CASZ1: variants seen among roughly 807,000 people sequenced by gnomAD.
The protein encoded by CASZ1 is castor zinc finger 1, also known as zinc finger protein castor homolog 1.
Under a neutral mutation model 135.2 loss-of-function variants are expected in CASZ1, and 28 were observed. The observed-to-expected ratio is 0.21, with a 90% CI of 0.15 to 0.28. The LOEUF is 0.28. CASZ1 is among the 10% of genes least tolerant of loss of function. CASZ1 has a pLI of 1.00. For synonymous variants in CASZ1, 1,068 were observed against 1,073.4 expected, an observed-to-expected ratio of 0.99 and a Z score of 0.10; for missense variants, 2,161 against 2,453.3, an observed-to-expected ratio of 0.88 and a Z score of 2.52.
At position 10,672,215 on chromosome 1, in the gene CASZ1, CCG is replaced by C. The variant is rs201429108; in HGVS notation, c.17-6646_17-6645del. ...CTGTTTAACCTTCTCCCCCCTCCCCCCGCCACCCCCTCCCCTCCGCACTATAA... is the reference window on the plus strand; with the variant it reads ...CTGTTTAACCTTCTCCCCCCTCCCCCCCACCCCCTCCCCTCCGCACTATAA... On this transcript the variant is annotated intron_variant, in intron 4 of 20. Transcript: ENST00000377022. 9.6e-4 allele frequency among the ~76,000 whole-genome samples: 135 copies of C among 140,326 alleles called. 6 individuals are homozygous for C. The South Asian group carries it at 0.029, about 30-fold the overall frequency. 92.1% of individuals were successfully genotyped at this position (140,326 alleles called of 152,430 possible).
intron 1 of CASZ1, among the ~76,000 whole-genome samples, chr1:10,772,072 G>T (rs1640586939): frequency 1.3e-5 from 2 of 150,118 alleles, no homozygotes; most frequent in African/African-American, 2.5e-5. Context: ...CGTGACACCT[G>T]GGGGGAGCCT....
At chr1:10,779,172 C>T (rs1162970599) in intron 1 of CASZ1, among the ~76,000 whole-genome samples, 1 of 151,904 alleles carries the variant, frequency 6.6e-6, no homozygotes, top group African/African-American at 2.4e-5. Context: ...TTTCTGTCTC[C>T]CCCCCAGCCC....
intron 4 of CASZ1, among the ~76,000 whole-genome samples, chr1:10,673,284 A>G (rs776197485): frequency 5.3e-5 from 8 of 152,102 alleles, no homozygotes; most frequent in Non-Finnish European, 7.4e-5. Flanking sequence ...CTTCTGTCCA[A>G]TGGGCTGGCG....
In CASZ1 at chr1:10,784,714, C is replaced by A. The variant is rs573282463; in HGVS notation, c.-234+11850G>T. ...GAGTAGCTGGGACTACAGGCTTCCA[C>A]CACCATACCCGGCTAATTTTTTTGT... On this transcript the variant is annotated intron_variant, in intron 1 of 20. Transcript: ENST00000377022. Among the ~76,000 whole-genome samples, 6 of 152,256 alleles carry A rather than the reference C, an allele frequency of 3.9e-5. 1 individual carries two copies. The South Asian group carries it at 8.3e-4, about 21-fold the overall frequency.
In CASZ1 at chr1:10,649,153, G is replaced by A. The variant is rs1002662601; in HGVS notation, c.3075C>T (p.Phe1025=). The A allele has an allele frequency of 1.9e-6, 3 of 1,613,780 alleles. No individual in the cohort carries two copies. Among genetic ancestry groups the A allele is most frequent in the Admixed American group, 1.7e-5 (1 of 60,022 alleles). ...TKDFCDGQCD[F]LHKAHFHCVV... is the part of the protein sequence containing the mutation. ...CGCAGTGGAAGTGGGCCTTGTGGAGGAAGTCACACTGGCCGTCACAGAAGT... is the reference window on the plus strand; with the variant it reads ...CGCAGTGGAAGTGGGCCTTGTGGAGAAAGTCACACTGGCCGTCACAGAAGT... The change falls in exon 15 of 21, where the codon TTC becomes TTT. Residue 1025 remains phenylalanine (F), a synonymous_variant. Transcript: ENST00000377022.
chr1:10,639,086 G>A lies in CASZ1; in HGVS notation c.5136C>T (p.Asp1712=). 9.5e-7 allele frequency: 1 copy of A among 1,048,816 alleles called. No homozygotes were observed. Among genetic ancestry groups the A allele is most frequent in the Non-Finnish European group, 1.2e-6 (1 of 841,498 alleles). 65.0% of individuals were successfully genotyped at this position (1,048,816 alleles called of 1,614,324 possible). ...CCTCCGAGTCGGTGCGCAGGTCCTC[G>A]TCGTCGTCGTCCTCGTCGTCGTCCT... ...DDEDDDEDDD[D]EDLRTDSEES... The change falls in exon 21 of 21, where the codon GAC becomes GAT. Residue 1712 remains aspartate (D), a synonymous_variant. Coordinates refer to ENST00000377022, the MANE Select transcript of CASZ1 (RefSeq NM_001079843.3). This position sits in a 1 kb window ranked among gnomAD's most constrained non-coding sequence, Gnocchi z 4.0.
chr1:10,667,833 C>A (rs553360462), intron 4 of CASZ1, among the ~76,000 whole-genome samples: 30 of 151,444 alleles, frequency 2.0e-4, no homozygotes, highest in African/African-American at 6.8e-4. Context: ...AGCCTCCCCG[C>A]ACTTTGGCCC....
Position 10,780,389 on chromosome 1 carries a change from T to G in CASZ1, c.-234+16175A>C, listed in dbSNP as rs185190599. Among the ~76,000 whole-genome samples, 41 of 152,322 alleles carry G rather than the reference T, an allele frequency of 2.7e-4. No individual in the cohort carries two copies. The East Asian group carries it at 7.9e-3, about 29-fold the overall frequency. On this transcript the variant is annotated intron_variant, in intron 1 of 20. Coordinates refer to ENST00000377022, the MANE Select transcript of CASZ1 (RefSeq NM_001079843.3). ...CATTCAGCCAGTTTGCCTTCTCCAG[T>G]GCAGTTTCAGGCACCTCATTACCAA...
rs958976371 is a variant in CASZ1 at position 10,639,332 on chromosome 1, G to A, written c.4890C>T (p.Leu1630=). The change falls in exon 21 of 21, where the codon CTC becomes CTT. Residue 1630 remains leucine, a synonymous_variant. Transcript: ENST00000377022. The surrounding 1 kb of genome is among the most constrained non-coding windows in gnomAD (Gnocchi z 4.0). ...GGCCGGCGGCCGCCGACTGCAGGAAGAGCAGCGAGCCCGGCTCGGCGCCCA... is the reference window on the plus strand; with the variant it reads ...GGCCGGCGGCCGCCGACTGCAGGAAAAGCAGCGAGCCCGGCTCGGCGCCCA... ...LSLGAEPGSL[L]FLQSAAAGLG... 1.3e-6 allele frequency: 2 copies of A among 1,489,108 alleles called. No homozygotes were observed. The highest frequency in any genetic ancestry group is 1.8e-6 in the Non-Finnish European group (2 of 1,127,114). The allele number at this position is 1,489,108 out of a possible 1,614,324, so 92.2% of individuals were successfully genotyped here.
intron 2 of CASZ1, among the ~76,000 whole-genome samples, chr1:10,712,671 G>A (rs1639308539): frequency 6.6e-6 from 1 of 152,148 alleles, no homozygotes; most frequent in African/African-American, 2.4e-5. Flanking sequence ...GGGAGAGGAC[G>A]AGGCAGAAAG....
In CASZ1 at chr1:10,650,829, G is replaced by C. The variant is rs55860265; in HGVS notation, c.2817-74C>G. 1.5e-4 allele frequency: 244 copies of C among 1,597,824 alleles called. No individual in the cohort carries two copies. In the African/African-American group the frequency reaches 2.8e-3, roughly 19 times the overall value. ...GCCCTGGGGCTCACCTTCCCTGCCCGACCCTGGGGCTCCAGCCGAGCCCGC... is the reference window on the plus strand; with the variant it reads ...GCCCTGGGGCTCACCTTCCCTGCCCCACCCTGGGGCTCCAGCCGAGCCCGC... On this transcript the variant is annotated intron_variant, in intron 12 of 20. Coordinates refer to ENST00000377022, the MANE Select transcript of CASZ1 (RefSeq NM_001079843.3).
chr1:10,774,862 C>A lies in CASZ1; in HGVS notation c.-233-14005G>T, dbSNP rs1391890445. ...GTCTTACAGACAAGGGAATGAATCC[C>A]CACGTGTCTCCTGCAACCATCTCTG... On this transcript the variant is annotated intron_variant, in intron 1 of 20. Transcript: ENST00000377022. The surrounding 1 kb of genome is among the most constrained non-coding windows in gnomAD (Gnocchi z 4.4). 6.6e-6 allele frequency among the ~76,000 whole-genome samples: 1 copy of A among 152,160 alleles called. No homozygotes were observed. The highest frequency in any genetic ancestry group is 2.4e-5 in the African/African-American group (1 of 41,416).
rs1306538061 is a variant in CASZ1 at position 10,666,428 on chromosome 1, A to C, written c.17-857T>G. On this transcript the variant is annotated intron_variant, in intron 4 of 20. Transcript: ENST00000377022. This position sits in a 1 kb window ranked among gnomAD's most constrained non-coding sequence, Gnocchi z 5.2. The stretch of plus-strand genomic sequence containing the variant: ...GTTCCTCATGGCACTTCCTAGGGCC[A>C]CTTGTCCCTATCCTAGGACCTTGCT... Among the ~76,000 whole-genome samples, 1 of 151,972 alleles carries C rather than the reference A, an allele frequency of 6.6e-6. No individual in the cohort carries two copies. The highest frequency in any genetic ancestry group is 1.5e-5 in the Non-Finnish European group (1 of 67,980).
Position 10,691,092 on chromosome 1 carries a change from CCTCCCTCT to C in CASZ1, c.16+2774_16+2781del, listed in dbSNP as rs201810494. On this transcript the variant is annotated intron_variant, in intron 4 of 20. Coordinates refer to ENST00000377022, the MANE Select transcript of CASZ1 (RefSeq NM_001079843.3). ...TCTTCCTCTCTCCCCTCCCTCCCTCCCTCCCTCTCTTTCCTTTTTTTTTTATTAGCATT... is the reference window on the plus strand; with the variant it reads ...TCTTCCTCTCTCCCCTCCCTCCCTCCCTTTCCTTTTTTTTTTATTAGCATT... 4.4e-3 allele frequency among the ~76,000 whole-genome samples: 670 copies of C among 151,000 alleles called. 3 individuals are homozygous for C. The highest frequency in any genetic ancestry group is 0.016 in the African/African-American group (638 of 41,110).
chr1:10,789,754 G>GA (rs138082136), intron 1 of CASZ1, among the ~76,000 whole-genome samples: 7,921 of 150,820 alleles, frequency 0.053, 272 homozygotes, highest in Middle Eastern at 0.096. Context: ...TTCCAAGTAA[G>GA]AAAAAAAAAC....
In CASZ1 at chr1:10,659,927, C is replaced by T. The variant is rs769763282; in HGVS notation, c.1115G>A (p.Arg372His). 2.0e-5 allele frequency: 32 copies of T among 1,611,906 alleles called. No individual in the cohort carries two copies. Among genetic ancestry groups the T allele is most frequent in the African/African-American group, 4.0e-5 (3 of 74,864 alleles). Reference sequence around the variant, plus strand: ...GCCCCGGACGTCGTACTTGGAAGGGCGCCCCACCTTGCCTGTCTTGAAGGC... The same window carrying T: ...GCCCCGGACGTCGTACTTGGAAGGGTGCCCCACCTTGCCTGTCTTGAAGGC... Reference protein sequence around the residue: ...AIAFKTGKVGRPSKYDVRGIQ... With the variant: ...AIAFKTGKVGHPSKYDVRGIQ... Residue 372 changes from arginine to histidine, a missense_variant, in exon 6 of 21, where the codon CGC becomes CAC. Physicochemically the swap from Arg to His is conservative, Grantham distance 29. Coordinates refer to ENST00000377022, the MANE Select transcript of CASZ1 (RefSeq NM_001079843.3).
chr1:10,722,744 A>T (rs920598663), intron 2 of CASZ1, among the ~76,000 whole-genome samples: 2 of 152,126 alleles, frequency 1.3e-5, no homozygotes, highest in African/African-American at 4.8e-5. Flanking sequence ...CTCGACTTCC[A>T]TTTCAAACAT....
intron 1 of CASZ1, among the ~76,000 whole-genome samples, chr1:10,785,702 C>T (rs1005006299): frequency 6.6e-6 from 1 of 152,246 alleles, no homozygotes; most frequent in African/African-American, 2.4e-5. Context: ...AAGGGACAAC[C>T]GTTGTCCTCT....
intron 4 of CASZ1, among the ~76,000 whole-genome samples, chr1:10,689,103 G>GGGCA (rs1489864863): frequency 6.6e-6 from 1 of 152,120 alleles, no homozygotes; most frequent in East Asian, 1.9e-4. Context: ...GGCATGGGGG[G>GGGCA]TGGGCCAGGT....
Sources: gnomAD v4.1 joint callset for allele counts (sites outside exome capture counted in the v4.1 genomes callset) on GRCh38, gnomAD v4.1.1 for gene constraint, Gnocchi (gnomAD v3.1) non-coding constraint, MANE v1.5 for transcripts, NCBI Gene and HGNC (gene_info 2026-07-23, HGNC 2026-07-21) for gene names.